The following ARHGAP26 variants were observed in gnomAD, a reference collection of about 807,000 sequenced individuals.
The protein encoded by ARHGAP26 is rho GTPase-activating protein 26.
Under a neutral mutation model 104.8 loss-of-function variants are expected in ARHGAP26, and 38 were observed. The observed-to-expected ratio is 0.36, with a 90% CI of 0.28 to 0.48. The LOEUF is 0.48. ARHGAP26 is among the 20% of genes least tolerant of loss of function. The probability of loss-of-function intolerance (pLI) is 0.99; values close to 1 mark genes in which losing one functional copy is unlikely to be tolerated. For synonymous variants in ARHGAP26, 341 were observed against 340.0 expected (o/e 1.00, Z -0.03); for missense variants, 704 against 947.9 (o/e 0.74, Z 3.38).
In ARHGAP26 at chr5:143,184,694, A is replaced by G. The variant is rs181202498; in HGVS notation, c.1989-22504A>G. Among the ~76,000 whole-genome samples, 73 of 152,116 alleles carry G rather than the reference A, an allele frequency of 4.8e-4. 2 individuals are homozygous for G. The highest frequency in any genetic ancestry group is 1.6e-3 in the African/African-American group (65 of 41,486). On this transcript the variant is annotated intron_variant, in intron 20 of 22. Transcript: ENST00000645722. ...AGAGAAGTCCCCTCTTAGAGCTTTCATTTCTTTTGGAGGGATGGTTTGAAC... is the reference window on the plus strand; with the variant it reads ...AGAGAAGTCCCCTCTTAGAGCTTTCGTTTCTTTTGGAGGGATGGTTTGAAC...
At chr5:143,078,715 A>T (rs1441710076) in intron 17 of ARHGAP26, among the ~76,000 whole-genome samples, 1 of 152,246 alleles carries the variant, frequency 6.6e-6, no homozygotes, top group South Asian at 2.1e-4. Flanking sequence ...CAAGAGGCAG[A>T]TATTCAGACA....
At chr5:142,773,629 A>G (rs981651184) in intron 1 of ARHGAP26, among the ~76,000 whole-genome samples, 10 of 152,192 alleles carry the variant, frequency 6.6e-5, no homozygotes, top group African/African-American at 2.4e-4. Flanking sequence ...GGTAGCAAAG[A>G]CCAGCTAAGA....
intron 16 of ARHGAP26, among the ~76,000 whole-genome samples, chr5:143,057,089 A>G (rs1008690880): frequency 6.6e-6 from 1 of 152,230 alleles, no homozygotes; most frequent in Admixed American, 6.5e-5. Flanking sequence ...GCCATGATTT[A>G]GGTTACAAGT....
At chr5:143,036,163 A>G (rs1187463782) in intron 12 of ARHGAP26, among the ~76,000 whole-genome samples, 3 of 152,162 alleles carry the variant, frequency 2.0e-5, no homozygotes, top group Admixed American at 6.5e-5. Flanking sequence ...ATGACCGCAA[A>G]TCATCTATAA....
chr5:143,105,435 C>T (rs1472975003), intron 17 of ARHGAP26, among the ~76,000 whole-genome samples: 3 of 147,814 alleles, frequency 2.0e-5, no homozygotes, highest in African/African-American at 4.9e-5. Context: ...AAAAATAGGT[C>T]TAACCTAAAG....
intron 20 of ARHGAP26, among the ~76,000 whole-genome samples, chr5:143,149,661 A>C (rs73290137): frequency 0.014 from 2,206 of 152,270 alleles, 59 homozygotes; most frequent in African/African-American, 0.05. Context: ...ACCTGAGACG[A>C]CTTGGGTCTC....
intron 1 of ARHGAP26, among the ~76,000 whole-genome samples, chr5:142,778,125 G>A (rs1756725295): frequency 6.6e-6 from 1 of 152,226 alleles, no homozygotes; most frequent in African/African-American, 2.4e-5. Flanking sequence ...TTGCTGCACA[G>A]CATATGGGCT....
intron 19 of ARHGAP26, among the ~76,000 whole-genome samples, chr5:143,143,491 C>T (rs905169035): frequency 6.6e-6 from 1 of 152,154 alleles, no homozygotes; most frequent in Non-Finnish European, 1.5e-5. Flanking sequence ...GTTGCATACT[C>T]ATGTTTTTCC....
At chr5:142,781,421 G>A (rs1340561984) in intron 1 of ARHGAP26, among the ~76,000 whole-genome samples, 1 of 152,022 alleles carries the variant, frequency 6.6e-6, no homozygotes, top group Non-Finnish European at 1.5e-5. Context: ...ACATTGAAAA[G>A]TATTTGTCAT....
chr5:143,181,260 A>C (rs1053892569), intron 20 of ARHGAP26, among the ~76,000 whole-genome samples: 1 of 152,152 alleles, frequency 6.6e-6, no homozygotes, highest in Non-Finnish European at 1.5e-5. Context: ...CCTTTTATTA[A>C]CTGGGAGGCC....
chr5:142,915,155 C>T (rs868816808), intron 10 of ARHGAP26, among the ~76,000 whole-genome samples: 1 of 152,138 alleles, frequency 6.6e-6, no homozygotes, highest in African/African-American at 2.4e-5. Context: ...CCCTTGCCAG[C>T]ACTTCCTAGC....
intron 11 of ARHGAP26, among the ~76,000 whole-genome samples, chr5:143,009,410 A>T (rs575028141): frequency 1.3e-5 from 2 of 152,008 alleles, no homozygotes; most frequent in South Asian, 4.2e-4. Context: ...TCCTGTCTGG[A>T]CTCTGCCCAT....
intron 14 of ARHGAP26, among the ~76,000 whole-genome samples, chr5:143,044,086 T>G (rs1323654468): frequency 6.6e-6 from 1 of 152,182 alleles, no homozygotes; most frequent in Admixed American, 6.5e-5. Flanking sequence ...GGGTTTTTTC[T>G]ATAGGAAGTA....
chr5:142,989,781 G>A (rs990724811), intron 11 of ARHGAP26, among the ~76,000 whole-genome samples: 5 of 152,056 alleles, frequency 3.3e-5, no homozygotes, highest in African/African-American at 1.2e-4. Context: ...TTGAATATTG[G>A]CCCCCACTCT....
At chr5:143,168,560 C>T (rs1040972579) in intron 20 of ARHGAP26, 3 of 138,848 alleles carry the variant, frequency 2.2e-5, no homozygotes, top group Admixed American at 8.1e-5. Flanking sequence ...ATCCTCTTTG[C>T]TTTGAGTTTT....
intron 10 of ARHGAP26, among the ~76,000 whole-genome samples, chr5:142,923,250 G>T (rs1763445266): frequency 6.6e-6 from 1 of 151,980 alleles, no homozygotes; most frequent in Non-Finnish European, 1.5e-5. Context: ...AGTTTTATTG[G>T]TTGAATATAC....
intron 20 of ARHGAP26, among the ~76,000 whole-genome samples, chr5:143,196,247 A>G (rs535540321): frequency 5.1e-4 from 78 of 151,642 alleles, no homozygotes; most frequent in African/African-American, 1.8e-3. Flanking sequence ...CTCCCCCATC[A>G]CAGTCCTCTT....
intron 11 of ARHGAP26, among the ~76,000 whole-genome samples, chr5:142,956,383 C>T (rs191675100): frequency 6.6e-6 from 1 of 152,172 alleles, no homozygotes; most frequent in East Asian, 1.9e-4. Flanking sequence ...CAAGACCAGA[C>T]TGGACAACAC....
Position 142,890,151 on chromosome 5 carries a change from A to AAAAAAAAAAAT in ARHGAP26, c.487-4086_487-4085insAAAAAAAAATA, listed in dbSNP as rs1252590997. The stretch of plus-strand genomic sequence containing the variant: ...AACTCCGTCTTAAAAAAAAAAAAAA[A>AAAAAAAAAAAT]ATATATATATATATATATATATATA... On this transcript the variant is annotated intron_variant, in intron 5 of 22. Transcript: ENST00000645722. 1.9e-3 allele frequency among the ~76,000 whole-genome samples: 62 copies of AAAAAAAAAAAT among 32,408 alleles called. 2 individuals are homozygous for AAAAAAAAAAAT. The highest frequency in any genetic ancestry group is 2.4e-3 in the Admixed American group (5 of 2,046). 21.3% of individuals were successfully genotyped at this position (32,408 alleles called of 152,430 possible).
Sources: allele counts gnomAD v4.1 joint callset (sites outside exome capture counted in the v4.1 genomes callset), GRCh38; gene constraint gnomAD v4.1.1; transcripts MANE v1.5; gene names NCBI Gene and HGNC (gene_info 2026-07-23, HGNC 2026-07-21).